Variants in HIPK3 observed in about 807,000 individuals in gnomAD.
HIPK3 encodes homeodomain-interacting protein kinase 3.
Under a neutral mutation model 124.2 loss-of-function variants are expected in HIPK3, and 47 were observed. The ratio of observed to expected loss-of-function variants is 0.38; its 90% CI spans 0.30 to 0.48. HIPK3 has a LOEUF of 0.48. HIPK3 is among the 20% of genes least tolerant of loss of function. HIPK3 has a pLI of 0.98. For synonymous variants in HIPK3, 482 were observed against 515.2 expected (o/e 0.94, Z 0.87); for missense variants, 1,286 against 1,454.3 (o/e 0.88, Z 1.88).
Position 33,348,697 on chromosome 11 carries a change from G to A in HIPK3, c.2545G>A (p.Val849Ile), listed in dbSNP as rs956534187. 3.1e-6 allele frequency: 5 copies of A among 1,614,178 alleles called. No homozygotes were observed. The highest frequency in any genetic ancestry group is 3.4e-6 in the Non-Finnish European group (4 of 1,180,022). ...TSIRQDSDSS[V>I]SDKQRQTIII... ...TATCAGACAGGACTCTGATTCATCA[G>A]TTTCAGACAAACAGCGGCAAACCAT... The change falls in exon 13 of 17, where the codon GTT becomes ATT. Residue 849 changes from valine to isoleucine, a missense_variant. Physicochemically the swap from Val to Ile is conservative, Grantham distance 29. Coordinates refer to ENST00000303296, the MANE Select transcript of HIPK3 (RefSeq NM_005734.5).
At chr11:33,300,492 T>A (rs1021430970) in intron 2 of HIPK3, among the ~76,000 whole-genome samples, 12 of 152,216 alleles carry the variant, frequency 7.9e-5, no homozygotes, top group African/African-American at 2.9e-4. Flanking sequence ...CCTGTTAGCA[T>A]TTTTTAGCTA....
At chr11:33,352,916 A>T (rs1853708029) in intron 16 of HIPK3, among the ~76,000 whole-genome samples, 176 bp from the exon 17 acceptor site, 1 of 152,096 alleles carries the variant, frequency 6.6e-6, no homozygotes, top group African/African-American at 2.4e-5. Context: ...TGTTAATACT[A>T]ATATATATGG....
At chr11:33,334,554 G>A (rs1269255368) in intron 3 of HIPK3, among the ~76,000 whole-genome samples, 1 of 151,994 alleles carries the variant, frequency 6.6e-6, no homozygotes, top group Non-Finnish European at 1.5e-5. Context: ...GGTCAGGGGT[G>A]TCTAGCCTTT....
chr11:33,289,667 A>G (rs1468007798), intron 2 of HIPK3, among the ~76,000 whole-genome samples: 1 of 152,212 alleles, frequency 6.6e-6, no homozygotes, highest in Non-Finnish European at 1.5e-5. Flanking sequence ...TGTTACAAAC[A>G]TTCCAGTTAG....
intron 2 of HIPK3, among the ~76,000 whole-genome samples, chr11:33,306,710 A>AT (rs1852170937): frequency 6.6e-6 from 1 of 152,184 alleles, no homozygotes; most frequent in Non-Finnish European, 1.5e-5. Context: ...TCCATAATGT[A>AT]TATAAAGTAT....
In HIPK3 at chr11:33,286,918, C is replaced by T. The variant is rs1316084097; in HGVS notation, c.504C>T (p.Thr168=). The T allele has an allele frequency of 2.5e-6, 4 of 1,614,158 alleles. No individual in the cohort carries two copies. The highest frequency in any genetic ancestry group is 1.6e-4 in the Middle Eastern group (1 of 6,062). Residue 168 remains threonine, a synonymous_variant, in exon 2 of 17, where the codon ACC becomes ACT. Transcript: ENST00000303296. ...ATCCAGTGACAGTTGTGACAGCTAC[C>T]ACAGGATCAAAACAGAATTGTACCA... ...MGNPVTVVTA[T]TGSKQNCTTG...
intron 2 of HIPK3, 34 bp downstream of exon 2, chr11:33,287,545 TTAA>T (rs1851591205): frequency 6.4e-7 from 1 of 1,570,350 alleles, no homozygotes; most frequent in Non-Finnish European, 8.6e-7. Context: ...TGGTTGTTTA[TTAA>T]TGTGAAATTT....
chr11:33,347,166 C>T (rs371326412), intron 8 of HIPK3, 127 bp from the exon 9 acceptor site: 6 of 784,252 alleles, frequency 7.7e-6, no homozygotes, highest in South Asian at 1.9e-5. Context: ...GGCAACAGAG[C>T]GAGGCCCTGT....
At chr11:33,260,559 C>T (rs1850794516) in intron 1 of HIPK3, among the ~76,000 whole-genome samples, 1 of 152,090 alleles carries the variant, frequency 6.6e-6, no homozygotes, top group Non-Finnish European at 1.5e-5. Flanking sequence ...AGAGAGTTAA[C>T]TTATTAAATG....
At chr11:33,324,532 C>G (rs897319438) in intron 2 of HIPK3, among the ~76,000 whole-genome samples, 1 of 152,206 alleles carries the variant, frequency 6.6e-6, no homozygotes, top group Non-Finnish European at 1.5e-5. Flanking sequence ...AAGTGTGCCA[C>G]TCAGAATCCC....
chr11:33,268,429 A>C (rs567090294), intron 1 of HIPK3, among the ~76,000 whole-genome samples: 1 of 151,720 alleles, frequency 6.6e-6, no homozygotes, highest in Non-Finnish European at 1.5e-5. Flanking sequence ...CTCCATCTCT[A>C]TAAAAAATAC....
chr11:33,311,910 T>TACACACACACAC lies in HIPK3; in HGVS notation c.1098-16585_1098-16574dup, dbSNP rs71034671. On this transcript the variant is annotated intron_variant, in intron 2 of 16. Transcript: ENST00000303296. ...GGGCAACATAGCAAGACCCTGTTTC[T>TACACACACACAC]ACACACACACACACACACACACACA... is the stretch of plus-strand genomic sequence containing the variant. 3.4e-3 allele frequency among the ~76,000 whole-genome samples: 390 copies of TACACACACACAC among 114,370 alleles called. 15 individuals are homozygous for TACACACACACAC. The highest frequency in any genetic ancestry group is 5.4e-3 in the Non-Finnish European group (305 of 56,734). The allele number at this position is 114,370 out of a possible 152,430, so 75.0% of individuals were successfully genotyped here.
chr11:33,261,054 A>G (rs1257421721), intron 1 of HIPK3, among the ~76,000 whole-genome samples: 1 of 149,578 alleles, frequency 6.7e-6, no homozygotes, highest in Non-Finnish European at 1.5e-5. Context: ...AAGCTTTGTC[A>G]TGGAGAATCT....
At chr11:33,286,331 T>C (rs574878548) in intron 1 of HIPK3, 82 bp from the exon 2 acceptor site, 5 of 1,257,166 alleles carry the variant, frequency 4.0e-6, no homozygotes, top group Admixed American at 6.6e-5. Context: ...CTTCCTGATA[T>C]TTAAAATTGA....
intron 8 of HIPK3, among the ~76,000 whole-genome samples, chr11:33,342,102 C>CAAAAAAAAAA (rs58073130): frequency 3.6e-5 from 2 of 55,582 alleles, no homozygotes; most frequent in African/African-American, 1.5e-4. Context: ...GACTCTGTCT[C>CAAAAAAAAAA]AAAAAAAAAA....
At position 33,352,280 on chromosome 11, in the gene HIPK3, G is replaced by A. The variant is rs1285450306; in HGVS notation, c.3171+15G>A. The A allele has an allele frequency of 6.2e-7, 1 of 1,612,974 alleles. No homozygotes were observed. The highest frequency in any genetic ancestry group is 2.2e-5 in the East Asian group (1 of 44,860). The stretch of plus-strand genomic sequence containing the variant: ...ACTTCAGTCAGGTATGTTCATTTGT[G>A]GATATGTAGGAGTCTGTGGGATTCA... On this transcript the variant is annotated intron_variant, in intron 16 of 16. Transcript: ENST00000303296.
chr11:33,334,162 A>G (rs917877507), intron 3 of HIPK3, among the ~76,000 whole-genome samples: 5 of 152,206 alleles, frequency 3.3e-5, no homozygotes, highest in Non-Finnish European at 7.3e-5. Flanking sequence ...AAGGCACACA[A>G]TCTAGTAGGG....
intron 2 of HIPK3, among the ~76,000 whole-genome samples, chr11:33,317,629 G>T (rs1335934893): frequency 6.6e-6 from 1 of 152,132 alleles, no homozygotes; most frequent in African/African-American, 2.4e-5. Flanking sequence ...GAAATATATA[G>T]CATTTCCTAC....
At chr11:33,316,410 T>G (rs748376501) in intron 2 of HIPK3, among the ~76,000 whole-genome samples, 18 of 152,252 alleles carry the variant, frequency 1.2e-4, no homozygotes, top group Non-Finnish European at 2.1e-4. Flanking sequence ...AGTTCCCCTG[T>G]TATGCTAAAA....
Sources: gnomAD v4.1 joint callset for allele counts (sites outside exome capture counted in the v4.1 genomes callset) on GRCh38, gnomAD v4.1.1 for gene constraint, MANE v1.5 for transcripts, NCBI Gene and HGNC (gene_info 2026-07-23, HGNC 2026-07-21) for gene names.